CADPS: variants seen among roughly 807,000 people sequenced by gnomAD.
The protein encoded by CADPS is calcium-dependent secretion activator 1.
CADPS carries 57 observed loss-of-function variants against 167.3 expected under a neutral mutation model. That is an observed-to-expected ratio of 0.34 (90% CI 0.28 to 0.42). The LOEUF (loss-of-function observed/expected upper bound fraction) is 0.42. Among genes scored for constraint, CADPS ranks in the 20% least tolerant of loss-of-function variants. The probability of loss-of-function intolerance (pLI) is 1.00; values close to 1 mark genes in which losing one functional copy is unlikely to be tolerated. For missense variants in CADPS, 1,414 were observed against 1,738.1 expected (o/e 0.81, Z 3.32); for synonymous variants, 676 against 635.3 (o/e 1.06, Z -0.96).
rs190262070 is a variant in CADPS, at chr3:62,723,661, G to C, written c.888+29780C>G. Reference sequence around the variant, plus strand: ...CTGATTTTAATTTCAAACTGGGTCAGTTTGGCTTGGGAATTATTGGGGAGT... The same window carrying C: ...CTGATTTTAATTTCAAACTGGGTCACTTTGGCTTGGGAATTATTGGGGAGT... On this transcript the variant is annotated intron_variant, in intron 3 of 29. Transcript: ENST00000383710. Among the ~76,000 whole-genome samples, 21 of 152,354 alleles carry C rather than the reference G, an allele frequency of 1.4e-4. 1 individual carries two copies. The East Asian group carries it at 4.0e-3, about 29-fold the overall frequency.
intron 3 of CADPS, among the ~76,000 whole-genome samples, chr3:62,722,644 G>A (rs76555265): frequency 0.036 from 5,531 of 152,230 alleles, 135 homozygotes; most frequent in South Asian, 0.1. Flanking sequence ...TTCTTTTCTG[G>A]CAATTGTCTC....
At chr3:62,764,069 C>A (rs1222928460) in intron 2 of CADPS, among the ~76,000 whole-genome samples, 1 of 152,088 alleles carries the variant, frequency 6.6e-6, no homozygotes, top group Non-Finnish European at 1.5e-5. Flanking sequence ...AATGAGCTTT[C>A]TAATTAAGAT....
intron 28 of CADPS, among the ~76,000 whole-genome samples, chr3:62,426,056 G>A (rs895563774): frequency 2.6e-5 from 4 of 152,168 alleles, no homozygotes; most frequent in Non-Finnish European, 5.9e-5. Flanking sequence ...TTCATCACTG[G>A]TAAAGATCCC....
chr3:62,675,885 TA>T (rs1445633007), intron 3 of CADPS, among the ~76,000 whole-genome samples: 1 of 152,162 alleles, frequency 6.6e-6, no homozygotes, highest in African/African-American at 2.4e-5. Flanking sequence ...AAATGCTTTT[TA>T]GGGTCTTCAG....
chr3:62,612,079 T>C (rs1042315832), intron 6 of CADPS, among the ~76,000 whole-genome samples: 8 of 152,210 alleles, frequency 5.3e-5, no homozygotes, highest in African/African-American at 1.9e-4. Flanking sequence ...GAATCATCAA[T>C]TTTGAAATAG....
intron 5 of CADPS, among the ~76,000 whole-genome samples, chr3:62,648,304 G>A (rs998111233): frequency 6.6e-6 from 1 of 152,090 alleles, no homozygotes; most frequent in African/African-American, 2.4e-5. Flanking sequence ...ATCTGAATCA[G>A]GTACACATAG....
At chr3:62,861,778 T>C (rs1423844523) in intron 1 of CADPS, among the ~76,000 whole-genome samples, 1 of 152,218 alleles carries the variant, frequency 6.6e-6, no homozygotes, top group African/African-American at 2.4e-5. Flanking sequence ...TCTACCATCA[T>C]GAACCAACCT....
At chr3:62,552,215 C>T (rs1374073099) in intron 10 of CADPS, among the ~76,000 whole-genome samples, 1 of 122,206 alleles carries the variant, frequency 8.2e-6, no homozygotes, top group Admixed American at 1.1e-4. Flanking sequence ...ACATCACACA[C>T]CGGGACCTGT....
chr3:62,873,406 T>A (rs1355187746), intron 1 of CADPS, among the ~76,000 whole-genome samples: 1 of 152,222 alleles, frequency 6.6e-6, no homozygotes, highest in East Asian at 1.9e-4. Context: ...GGCCTCACAC[T>A]GCCTCTGTGT....
chr3:62,720,365 C>T (rs984782162), intron 3 of CADPS, among the ~76,000 whole-genome samples: 2 of 149,846 alleles, frequency 1.3e-5, no homozygotes, highest in East Asian at 3.9e-4. Context: ...CACGGTATCG[C>T]TCTGTCACTC....
intron 3 of CADPS, among the ~76,000 whole-genome samples, chr3:62,684,078 A>G (rs1363633792): frequency 6.6e-6 from 1 of 152,028 alleles, no homozygotes; most frequent in African/African-American, 2.4e-5. Context: ...CCAAACTTAC[A>G]GGGCAAGTTT....
intron 28 of CADPS, chr3:62,403,492 CTTT>C (rs1378040642): frequency 1.6e-5 from 3 of 190,128 alleles, no homozygotes; most frequent in Non-Finnish European, 3.2e-5. Flanking sequence ...TTCTGATTCT[CTTT>C]TTTATTGGTT....
At chr3:62,460,345 A>C (rs2059185619) in intron 26 of CADPS, among the ~76,000 whole-genome samples, 1 of 152,230 alleles carries the variant, frequency 6.6e-6, no homozygotes, top group South Asian at 2.1e-4. Context: ...CAATTGACTT[A>C]AAAATTACAT....
At chr3:62,680,474 A>G (rs1011640916) in intron 3 of CADPS, among the ~76,000 whole-genome samples, 1 of 151,884 alleles carries the variant, frequency 6.6e-6, no homozygotes, top group Non-Finnish European at 1.5e-5. Context: ...TTATTCTCTC[A>G]TTGTCACACA....
intron 1 of CADPS, among the ~76,000 whole-genome samples, chr3:62,861,143 T>C (rs980320289): frequency 6.6e-6 from 1 of 152,194 alleles, no homozygotes; most frequent in Non-Finnish European, 1.5e-5. Context: ...ATCCTTTAGG[T>C]CAGCTGGAAG....
At chr3:62,671,279 GT>G (rs146739837) in intron 3 of CADPS, among the ~76,000 whole-genome samples, 251 of 148,474 alleles carry the variant, frequency 1.7e-3, no homozygotes, top group African/African-American at 4.9e-3. Flanking sequence ...ATACAGCTGT[GT>G]TTTTTTTTTA....
intron 1 of CADPS, among the ~76,000 whole-genome samples, chr3:62,858,706 C>T (rs1358466911): frequency 3.9e-5 from 6 of 152,072 alleles, no homozygotes; most frequent in African/African-American, 1.2e-4. Context: ...AAACACACTG[C>T]GTAAATTTGT....
At chr3:62,622,704 T>C (rs2063381658) in intron 6 of CADPS, among the ~76,000 whole-genome samples, 1 of 152,106 alleles carries the variant, frequency 6.6e-6, no homozygotes, top group African/African-American at 2.4e-5. Flanking sequence ...GATAAGACAC[T>C]GAGATATAAA....
chr3:62,588,211 T>C (rs951154115), intron 7 of CADPS, among the ~76,000 whole-genome samples: 1 of 152,030 alleles, frequency 6.6e-6, no homozygotes, highest in Admixed American at 6.6e-5. Flanking sequence ...TCAGTACCTC[T>C]TGCATACCCC....
Sources: gnomAD v4.1 joint callset for allele counts (sites outside exome capture counted in the v4.1 genomes callset) on GRCh38, gnomAD v4.1.1 for gene constraint, MANE v1.5 for transcripts, NCBI Gene and HGNC (gene_info 2026-07-23, HGNC 2026-07-21) for gene names.